VAT1L: variants seen among roughly 807,000 people sequenced by gnomAD.
VAT1L encodes the protein vesicle amine transport 1 like, also known as putative NADPH-dependent quinone oxidoreductase VAT1L.
In VAT1L, 34 loss-of-function variants were observed where a neutral mutation model predicts 44.1. The observed-to-expected ratio is 0.77, with a 90% confidence interval of 0.59 to 1.03. The LOEUF (loss-of-function observed/expected upper bound fraction) is 1.03, where lower values mean the gene tolerates loss of function less well. VAT1L is among the 50% of genes least tolerant of loss of function. The pLI is 0.00. For synonymous variants in VAT1L, 253 were observed against 202.2 expected (o/e 1.25, Z -2.13); for missense variants, 615 against 538.8 (o/e 1.14, Z -1.40).
At chr16:77,945,819 T>G (rs369321890) in intron 7 of VAT1L, among the ~76,000 whole-genome samples, 48 of 152,016 alleles carry the variant, frequency 3.2e-4, no homozygotes, top group African/African-American at 1.1e-3. Context: ...TTTCTTTTTT[T>G]TGAGACAAAG....
chr16:77,862,447 T>C (rs1012460620), intron 3 of VAT1L, among the ~76,000 whole-genome samples: 1 of 151,832 alleles, frequency 6.6e-6, no homozygotes, highest in Non-Finnish European at 1.5e-5. Flanking sequence ...AAACCCCATC[T>C]CTACGAAAAA....
At chr16:77,877,500 G>A (rs1195543739) in intron 5 of VAT1L, among the ~76,000 whole-genome samples, 25 of 134,098 alleles carry the variant, frequency 1.9e-4, no homozygotes, top group African/African-American at 5.2e-4. Context: ...GCGACAGAGC[G>A]GGACTCTGTC....
chr16:77,855,794 C>T (rs929592536), intron 3 of VAT1L, among the ~76,000 whole-genome samples: 11 of 152,080 alleles, frequency 7.2e-5, no homozygotes, highest in African/African-American at 1.2e-4. Flanking sequence ...CCAAGGCGGG[C>T]GGATCACGAG....
At position 77,884,748 on chromosome 16, in the gene VAT1L, C is replaced by T. The variant is rs201124297; in HGVS notation, c.1023C>T (p.Leu341=). Residue 341 remains leucine, a synonymous_variant, in exon 7 of 9, where the codon CTC becomes CTT. Coordinates refer to ENST00000302536, the MANE Select transcript of VAT1L (RefSeq NM_020927.3). The surrounding 1 kb of genome is among the most constrained non-coding windows in gnomAD (Gnocchi z 4.5). ...IRGVVEKLIG[L]YNQKKIKPVV... ...GAGTGGTGGAAAAACTCATAGGGCT[C>T]TACAACCAGAAGAAGATCAAGCCTG... 1.3e-6 allele frequency: 2 copies of T among 1,592,012 alleles called. No individual in the cohort carries two copies. The highest frequency in any genetic ancestry group is 1.1e-5 in the South Asian group (1 of 87,266).
chr16:77,941,801 C>G (rs1487537975), intron 7 of VAT1L, among the ~76,000 whole-genome samples: 1 of 152,046 alleles, frequency 6.6e-6, no homozygotes, highest in African/African-American at 2.4e-5. Flanking sequence ...GTTGGCCAGG[C>G]TGGTCTCAAA....
At chr16:77,861,905 C>G (rs181007338) in intron 3 of VAT1L, among the ~76,000 whole-genome samples, 184 of 152,314 alleles carry the variant, frequency 1.2e-3, no homozygotes, top group Non-Finnish European at 2.1e-3. Flanking sequence ...TAGATATGGC[C>G]TTGATAACAC....
intron 7 of VAT1L, among the ~76,000 whole-genome samples, chr16:77,925,197 G>T (rs2017652970): frequency 6.6e-6 from 1 of 152,172 alleles, no homozygotes; most frequent in East Asian, 2.0e-4. Flanking sequence ...ATTTAAGGAG[G>T]CACTCACTCT....
intron 7 of VAT1L, among the ~76,000 whole-genome samples, chr16:77,954,817 C>G (rs139097842): frequency 3.8e-4 from 58 of 152,212 alleles, no homozygotes; most frequent in African/African-American, 1.2e-3. Context: ...TCCAGAATCA[C>G]CAGGAGTAGA....
At chr16:77,962,739 A>AGAAGGAAGGAAGGAAGGAAG (rs200754303) in intron 7 of VAT1L, among the ~76,000 whole-genome samples, 17,621 of 129,098 alleles carry the variant, frequency 0.14, 1,617 homozygotes, top group Non-Finnish European at 0.17. Flanking sequence ...AAAGAAGGAA[A>AGAAGGAAGGAAGGAAGGAAG]GAAGGAAGGA....
intron 7 of VAT1L, among the ~76,000 whole-genome samples, chr16:77,966,753 T>C (rs1258166599): frequency 6.6e-6 from 1 of 152,128 alleles, no homozygotes; most frequent in African/African-American, 2.4e-5. Context: ...TTTTTTATGG[T>C]GATTAAGTCT....
intron 7 of VAT1L, among the ~76,000 whole-genome samples, chr16:77,889,412 G>C (rs1027982385): frequency 1.3e-5 from 2 of 152,158 alleles, no homozygotes; most frequent in Non-Finnish European, 2.9e-5. Flanking sequence ...AAACAGTTTA[G>C]AGATGGAAAA....
At chr16:77,870,616 C>G (rs1567493226) in intron 4 of VAT1L, among the ~76,000 whole-genome samples, 1 of 152,234 alleles carries the variant, frequency 6.6e-6, no homozygotes, top group African/African-American at 2.4e-5. Flanking sequence ...TCTGAAATAT[C>G]TTACTGCTGA....
chr16:77,798,147 A>C (rs2015972004), intron 1 of VAT1L, among the ~76,000 whole-genome samples: 1 of 152,188 alleles, frequency 6.6e-6, no homozygotes, highest in South Asian at 2.1e-4. Context: ...AAGCCAAAGC[A>C]TTGGGTCCTC....
At chr16:77,906,089 T>C (rs1167343915) in intron 7 of VAT1L, among the ~76,000 whole-genome samples, 1 of 152,216 alleles carries the variant, frequency 6.6e-6, no homozygotes, top group Non-Finnish European at 1.5e-5. Flanking sequence ...TTAATGGTTC[T>C]TCCCAGATGT....
intron 7 of VAT1L, among the ~76,000 whole-genome samples, chr16:77,896,595 G>A (rs437088): frequency 0.9 from 136,825 of 152,270 alleles, 61,975 homozygotes; most frequent in Non-Finnish European, 0.95. Context: ...CTCTTGGCAA[G>A]GTGCCAAGGG....
chr16:77,827,525 A>G (rs886384705), intron 3 of VAT1L, among the ~76,000 whole-genome samples: 1 of 152,240 alleles, frequency 6.6e-6, no homozygotes, highest in Non-Finnish European at 1.5e-5. Context: ...AATACTAACT[A>G]AAGTGTAAAA....
intron 2 of VAT1L, among the ~76,000 whole-genome samples, chr16:77,824,241 C>G (rs1400311414): frequency 2.0e-5 from 3 of 152,142 alleles, no homozygotes; most frequent in African/African-American, 7.2e-5. Flanking sequence ...CTTCCCAGGA[C>G]TTTCACTACC....
At chr16:77,974,493 C>T (rs944871429) in intron 8 of VAT1L, among the ~76,000 whole-genome samples, 14 of 152,326 alleles carry the variant, frequency 9.2e-5, no homozygotes, top group African/African-American at 2.6e-4. Context: ...CTGAAAAATC[C>T]ACCTTTCAGG....
At chr16:77,851,187 A>G (rs372178395) in intron 3 of VAT1L, among the ~76,000 whole-genome samples, 1 of 152,198 alleles carries the variant, frequency 6.6e-6, no homozygotes, top group Non-Finnish European at 1.5e-5. Context: ...TAATTCACAC[A>G]AAACTGTGGT....
Sources: allele counts gnomAD v4.1 joint callset (sites outside exome capture counted in the v4.1 genomes callset), GRCh38; gene constraint gnomAD v4.1.1; non-coding constraint Gnocchi (gnomAD v3.1); transcripts MANE v1.5; gene names NCBI Gene and HGNC (gene_info 2026-07-23, HGNC 2026-07-21).